MCC: variants seen among roughly 807,000 people sequenced by gnomAD.
MCC encodes MCC regulator of Wnt signaling pathway.
MCC carries 90 observed loss-of-function variants against 116.2 expected under a neutral mutation model. That is an observed-to-expected ratio of 0.77 (90% confidence interval 0.65 to 0.92). The LOEUF is 0.92. Ranked by LOEUF, MCC falls within the 40% of genes least tolerant of loss-of-function variation. The pLI is 0.00. For synonymous variants in MCC, 578 were observed against 510.5 expected (o/e 1.13, Z -1.78); for missense variants, 1,516 against 1,312.2 (o/e 1.16, Z -2.40).
chr5:113,085,600 A>G (rs747450666), intron 8 of MCC, among the ~76,000 whole-genome samples: 8 of 152,178 alleles, frequency 5.3e-5, no homozygotes, highest in Non-Finnish European at 8.8e-5. Flanking sequence ...TTCTTAACGG[A>G]ATCTGCCACA....
At chr5:113,062,947 T>C (rs1731620346) in intron 14 of MCC, among the ~76,000 whole-genome samples, 1 of 152,212 alleles carries the variant, frequency 6.6e-6, no homozygotes, top group South Asian at 2.1e-4. Context: ...AATCTATCTT[T>C]ATGCAGTTCT....
chr5:113,359,351 T>A (rs1298258366), intron 2 of MCC, among the ~76,000 whole-genome samples: 3 of 152,250 alleles, frequency 2.0e-5, no homozygotes, highest in Non-Finnish European at 4.4e-5. Flanking sequence ...TCACCATTAG[T>A]GGATATTTCT....
chr5:113,458,220 G>A (rs1393059731), intron 1 of MCC, among the ~76,000 whole-genome samples: 1 of 152,038 alleles, frequency 6.6e-6, no homozygotes, highest in Non-Finnish European at 1.5e-5. Context: ...CACTCTTTGG[G>A]TCCACACTGC....
intron 3 of MCC, among the ~76,000 whole-genome samples, chr5:113,256,315 A>G (rs531383742): frequency 6.6e-6 from 1 of 152,332 alleles, no homozygotes; most frequent in South Asian, 2.1e-4. Context: ...ATGAGTATCT[A>G]CTATATCAGA....
chr5:113,328,601 A>C (rs957837944), intron 3 of MCC, among the ~76,000 whole-genome samples: 1 of 152,228 alleles, frequency 6.6e-6, no homozygotes, highest in African/African-American at 2.4e-5. Flanking sequence ...AACTGCATCA[A>C]CGTGGCAGAT....
At chr5:113,474,846 A>C (rs1772195261) in intron 1 of MCC, among the ~76,000 whole-genome samples, 1 of 152,210 alleles carries the variant, frequency 6.6e-6, no homozygotes, top group Non-Finnish European at 1.5e-5. Context: ...AGTGACTTTC[A>C]TCCTGTTTAT....
chr5:113,276,943 G>C (rs1189909020), intron 3 of MCC, among the ~76,000 whole-genome samples: 4 of 151,132 alleles, frequency 2.6e-5, no homozygotes, highest in Non-Finnish European at 5.9e-5. Context: ...CTGGCCAAAA[G>C]GAATCAAGTT....
intron 1 of MCC, among the ~76,000 whole-genome samples, chr5:113,447,362 T>G (rs1771253108): frequency 6.6e-6 from 1 of 152,238 alleles, no homozygotes; most frequent in Non-Finnish European, 1.5e-5. Context: ...AATGTTTACT[T>G]TTTCCTTTAT....
rs776558562 is a variant in MCC, at chr5:113,022,641, CAG to C, written c.*4659_*4660del. On this transcript the variant is annotated 3_prime_UTR_variant, in exon 19 of 19. Transcript: ENST00000408903. ...AAGTGAATACTATGAGTTCTACAAACAGAACATTTTTCCACATGAATTTGACT... is the reference window on the plus strand; with the variant it reads ...AAGTGAATACTATGAGTTCTACAAACAACATTTTTCCACATGAATTTGACT... 3.9e-5 allele frequency: 6 copies of C among 152,192 alleles called. No homozygotes were observed. The highest frequency in any genetic ancestry group is 3.8e-4 in the East Asian group (2 of 5,202). 9.4% of individuals were successfully genotyped at this position (152,192 alleles called of 1,614,324 possible).
chr5:113,105,713 A>G (rs1199119894), intron 6 of MCC, among the ~76,000 whole-genome samples: 2 of 152,136 alleles, frequency 1.3e-5, no homozygotes, highest in African/African-American at 4.8e-5. Flanking sequence ...CTAAACCATC[A>G]TCATCTCTCA....
intron 3 of MCC, among the ~76,000 whole-genome samples, chr5:113,289,420 T>C (rs1295469985): frequency 6.6e-6 from 1 of 152,078 alleles, no homozygotes; most frequent in Admixed American, 6.5e-5. Flanking sequence ...TGGGTTTAAA[T>C]TGGTTGCAAA....
intron 1 of MCC, among the ~76,000 whole-genome samples, chr5:113,431,764 G>A (rs1770653016): frequency 1.0e-4 from 2 of 19,274 alleles, no homozygotes; most frequent in South Asian, 3.4e-3. Flanking sequence ...GGGAGGCCAA[G>A]GGGGGGGGGG....
chr5:113,121,604 T>C (rs1757739777), intron 6 of MCC, among the ~76,000 whole-genome samples: 1 of 152,232 alleles, frequency 6.6e-6, no homozygotes, highest in African/African-American at 2.4e-5. Flanking sequence ...TTTCTTTGGA[T>C]ACACTCTCAT....
At chr5:113,450,126 G>A (rs1023883539) in intron 1 of MCC, among the ~76,000 whole-genome samples, 1 of 152,112 alleles carries the variant, frequency 6.6e-6, no homozygotes, top group African/African-American at 2.4e-5. Flanking sequence ...ACTCCCCTAA[G>A]TCTCTCAGAA....
intron 8 of MCC, among the ~76,000 whole-genome samples, chr5:113,094,149 G>A (rs1201562319): frequency 6.6e-6 from 1 of 152,080 alleles, no homozygotes; most frequent in Non-Finnish European, 1.5e-5. Flanking sequence ...CAAATAATCA[G>A]AATCTATTTA....
At chr5:113,247,766 G>T (rs576471346) in intron 3 of MCC, among the ~76,000 whole-genome samples, 1 of 152,250 alleles carries the variant, frequency 6.6e-6, no homozygotes, top group South Asian at 2.1e-4. Flanking sequence ...AGCAATCAAG[G>T]CTCTCAATCT....
At chr5:113,196,855 A>G (rs1208247654) in intron 3 of MCC, among the ~76,000 whole-genome samples, 1 of 152,118 alleles carries the variant, frequency 6.6e-6, no homozygotes, top group Non-Finnish European at 1.5e-5. Context: ...CAATCAATCA[A>G]TCTGTGGGCA....
At chr5:113,485,699 G>A (rs761158634) in intron 1 of MCC, among the ~76,000 whole-genome samples, 10 of 152,080 alleles carry the variant, frequency 6.6e-5, no homozygotes, top group East Asian at 1.9e-4. Flanking sequence ...TGACACCACC[G>A]CAGAGCTGCT....
chr5:113,377,882 G>A (rs1028813903), intron 2 of MCC, among the ~76,000 whole-genome samples: 1 of 152,042 alleles, frequency 6.6e-6, no homozygotes, highest in Admixed American at 6.6e-5. Context: ...CTTTGACAGA[G>A]GGCTTAGAGT....
Sources: gnomAD v4.1 joint callset for allele counts (sites outside exome capture counted in the v4.1 genomes callset) on GRCh38, gnomAD v4.1.1 for gene constraint, MANE v1.5 for transcripts, NCBI Gene and HGNC (gene_info 2026-07-23, HGNC 2026-07-21) for gene names.